The following CRISPLD2 variants were observed in gnomAD, a reference collection of about 807,000 sequenced individuals.
CRISPLD2 encodes cysteine-rich secretory protein LCCL domain-containing 2.
In CRISPLD2, 47 loss-of-function variants were observed where a neutral mutation model predicts 71.1. The ratio of observed to expected loss-of-function variants is 0.66; its 90% CI spans 0.52 to 0.84. CRISPLD2 has a LOEUF of 0.84. Among genes scored for constraint, CRISPLD2 ranks in the 40% least tolerant of loss-of-function variants. The pLI, the probability that CRISPLD2 is intolerant of heterozygous loss-of-function variation, is 0.00. For missense variants in CRISPLD2, 830 were observed against 651.1 expected (o/e 1.27, Z -2.99); for synonymous variants, 317 against 250.1 (o/e 1.27, Z -2.52).
chr16:84,865,947 C>T (rs146159875), intron 6 of CRISPLD2, among the ~76,000 whole-genome samples: 6 of 152,154 alleles, frequency 3.9e-5, no homozygotes, highest in African/African-American at 4.8e-5. Context: ...ATTGTTCTTT[C>T]GGATAGTTGG....
chr16:84,866,334 A>G (rs1299171869), intron 6 of CRISPLD2, among the ~76,000 whole-genome samples: 2 of 151,928 alleles, frequency 1.3e-5, no homozygotes, highest in African/African-American at 4.8e-5. Context: ...ACCGGCTTCA[A>G]GCGATTCTCC....
chr16:84,891,334 G>A (rs1367630795), intron 14 of CRISPLD2, among the ~76,000 whole-genome samples: 2 of 152,198 alleles, frequency 1.3e-5, no homozygotes, highest in Non-Finnish European at 2.9e-5. Flanking sequence ...TTTGTGCAGC[G>A]GGCTTGCCCT....
chr16:84,847,470 T>C (rs373637221), intron 3 of CRISPLD2, among the ~76,000 whole-genome samples: 102 of 152,180 alleles, frequency 6.7e-4, no homozygotes, highest in African/African-American at 2.4e-3. Context: ...GCCAACATAG[T>C]GAAACCCCGT....
chr16:84,906,235 C>T (rs1407668249), intron 14 of CRISPLD2, among the ~76,000 whole-genome samples: 3 of 151,958 alleles, frequency 2.0e-5, no homozygotes, highest in African/African-American at 7.3e-5. Context: ...TCATCTCTCC[C>T]AAGACACCAC....
intron 13 of CRISPLD2, among the ~76,000 whole-genome samples, chr16:84,887,068 C>T (rs1173579729): frequency 6.6e-6 from 1 of 152,142 alleles, no homozygotes; most frequent in Non-Finnish European, 1.5e-5. Flanking sequence ...TCATCTTCTC[C>T]ACCATGTCTT....
At position 84,902,523 on chromosome 16, in the gene CRISPLD2, T is replaced by A. The variant is rs566477337; in HGVS notation, c.1440-4065T>A. ...TACTCGGGAGGCTGAGGCAGGAGAATGGCATGAACCCAGGAGGTGGAGGTT... is the reference window on the plus strand; with the variant it reads ...TACTCGGGAGGCTGAGGCAGGAGAAAGGCATGAACCCAGGAGGTGGAGGTT... On this transcript the variant is annotated intron_variant, in intron 14 of 14. Transcript: ENST00000262424. Among the ~76,000 whole-genome samples, 6 of 151,156 alleles carry A rather than the reference T, an allele frequency of 4.0e-5. No individual in the cohort carries two copies. In the South Asian group the frequency reaches 1.3e-3, roughly 32 times the overall value.
chr16:84,830,695 T>C (rs1014207506), intron 1 of CRISPLD2, among the ~76,000 whole-genome samples: 2 of 150,214 alleles, frequency 1.3e-5, no homozygotes, highest in African/African-American at 4.9e-5. Context: ...GGCTACAGAG[T>C]GAGACTCTGT....
At chr16:84,879,504 G>C (rs558386905) in intron 12 of CRISPLD2, among the ~76,000 whole-genome samples, 1 of 152,112 alleles carries the variant, frequency 6.6e-6, no homozygotes, top group East Asian at 1.9e-4. Flanking sequence ...CTGGGATTAC[G>C]GGCCTGCACC....
intron 1 of CRISPLD2, among the ~76,000 whole-genome samples, chr16:84,832,252 G>T (rs141591002): frequency 6.6e-6 from 1 of 152,214 alleles, no homozygotes; most frequent in Non-Finnish European, 1.5e-5. Flanking sequence ...CCTCACAGCC[G>T]TAGGGCCTGT....
intron 14 of CRISPLD2, among the ~76,000 whole-genome samples, chr16:84,892,367 C>A (rs1304988079): frequency 6.6e-6 from 1 of 152,228 alleles, no homozygotes; most frequent in Non-Finnish European, 1.5e-5. Flanking sequence ...GCAAACCTGA[C>A]ACAAGTCAGT....
chr16:84,874,091 T>C (rs1418900287), intron 11 of CRISPLD2, 128 bp downstream of exon 11: 2 of 856,924 alleles, frequency 2.3e-6, no homozygotes, highest in Non-Finnish European at 3.7e-6. Flanking sequence ...CTCATCATTG[T>C]CAAGCCTTTT....
intron 6 of CRISPLD2, among the ~76,000 whole-genome samples, chr16:84,857,871 A>C (rs2088389): frequency 4.3e-4 from 66 of 152,120 alleles, no homozygotes; most frequent in African/African-American, 1.6e-3. Flanking sequence ...CTTGAGCTCA[A>C]TCACACATAT....
chr16:84,865,565 G>GGAGCTTGGA (rs1917513974), intron 6 of CRISPLD2, among the ~76,000 whole-genome samples: 1 of 151,958 alleles, frequency 6.6e-6, no homozygotes, highest in Non-Finnish European at 1.5e-5. Context: ...TTTTGCTTGG[G>GGAGCTTGGA]GAGCTTGGAG....
chr16:84,888,509 C>G (rs1236586929), intron 13 of CRISPLD2, among the ~76,000 whole-genome samples: 1 of 152,180 alleles, frequency 6.6e-6, no homozygotes, highest in Non-Finnish European at 1.5e-5. Context: ...TGTCAGAAAC[C>G]AGCACATCCT....
In CRISPLD2 at chr16:84,838,623, C is replaced by G. The variant is rs201798041; in HGVS notation, c.128C>G (p.Ser43Cys). Residue 43 changes from serine (S) to cysteine (C), a missense_variant, in exon 2 of 15, where the codon TCT becomes TGT. Transcript: ENST00000262424. Reference sequence around the variant, plus strand: ...CTCAGCAAATACCAGCACAACGAGTCTCACTCCCGGGTCCGCAGAGCCATC... The same window carrying G: ...CTCAGCAAATACCAGCACAACGAGTGTCACTCCCGGGTCCGCAGAGCCATC... ...ELLSKYQHNE[S>C]HSRVRRAIPR... 1.2e-6 allele frequency: 2 copies of G among 1,614,240 alleles called. No individual in the cohort carries two copies. The highest frequency in any genetic ancestry group is 2.2e-5 in the South Asian group (2 of 91,088).
At chr16:84,878,683 G>A (rs180806630) in intron 12 of CRISPLD2, among the ~76,000 whole-genome samples, 79 of 152,288 alleles carry the variant, frequency 5.2e-4, no homozygotes, top group African/African-American at 1.9e-3. Flanking sequence ...TGAAGTTCCT[G>A]GTAGATCCTC....
At chr16:84,834,567 G>A (rs866618115) in intron 1 of CRISPLD2, among the ~76,000 whole-genome samples, 4 of 152,172 alleles carry the variant, frequency 2.6e-5, no homozygotes, top group Admixed American at 6.5e-5. Context: ...TGCCTCCTTC[G>A]TGTCTCCTCT....
intron 14 of CRISPLD2, among the ~76,000 whole-genome samples, chr16:84,899,859 T>C (rs1210296702): frequency 6.6e-6 from 1 of 152,106 alleles, no homozygotes; most frequent in Non-Finnish European, 1.5e-5. Context: ...TGCAGACCCA[T>C]AGTAAGTCAG....
intron 3 of CRISPLD2, among the ~76,000 whole-genome samples, chr16:84,846,320 T>G (rs1037139433): frequency 5.6e-5 from 8 of 143,802 alleles, no homozygotes; most frequent in African/African-American, 2.0e-4. Flanking sequence ...TGGCGCAATC[T>G]CGGCTCACTG....
Sources: gnomAD v4.1 joint callset for allele counts (sites outside exome capture counted in the v4.1 genomes callset) on GRCh38, gnomAD v4.1.1 for gene constraint, MANE v1.5 for transcripts, NCBI Gene and HGNC (gene_info 2026-07-23, HGNC 2026-07-21) for gene names.